Variants in CCDC171 observed in about 807,000 individuals in gnomAD.
The protein encoded by CCDC171 is coiled-coil domain containing 171, also known as coiled-coil domain-containing protein 171.
Under a neutral mutation model 168.2 loss-of-function variants are expected in CCDC171, and 177 were observed. The observed-to-expected ratio is 1.05, with a 90% CI of 0.93 to 1.19. The LOEUF is 1.19. Among genes scored for constraint, CCDC171 ranks in the 50% most tolerant of loss-of-function variants. CCDC171 has a pLI of 0.00. For missense variants in CCDC171, 1,991 were observed against 1,539.0 expected (o/e 1.29, Z -4.91); for synonymous variants, 687 against 540.8 (o/e 1.27, Z -3.75).
chr9:16,105,707 C>A, the CCDC171 span, among the ~76,000 whole-genome samples: 1 of 152,166 alleles, frequency 6.6e-6, no homozygotes, highest in East Asian at 1.9e-4. Context: ...GAAAAAAACA[C>A]CACTGTTTGG....
intron 8 of CCDC171, among the ~76,000 whole-genome samples, chr9:15,657,588 G>A (rs952501691): frequency 2.0e-5 from 3 of 152,086 alleles, no homozygotes; most frequent in Admixed American, 1.3e-4. Context: ...TTTTGAGAAC[G>A]TTGAAAAAAT....
chr9:15,691,546 T>TTATATATA (rs55892512), intron 10 of CCDC171, among the ~76,000 whole-genome samples: 41 of 106,400 alleles, frequency 3.9e-4, no homozygotes, highest in Admixed American at 5.7e-4. Context: ...TATATGTTTT[T>TTATATATA]TATATATATA....
chr9:15,677,230 C>T (rs1430687020), intron 9 of CCDC171, among the ~76,000 whole-genome samples: 1 of 152,072 alleles, frequency 6.6e-6, no homozygotes, highest in African/African-American at 2.4e-5. Flanking sequence ...TACTTAGACT[C>T]ATTTTTATAG....
chr9:15,994,286 G>C (rs989246628), intron 3 of CCDC171, among the ~76,000 whole-genome samples: 6 of 152,086 alleles, frequency 3.9e-5, no homozygotes, highest in African/African-American at 1.4e-4. Context: ...GTCCTTTGTA[G>C]GGACATGGAT....
chr9:15,816,745 C>T (rs2059574874), intron 21 of CCDC171, among the ~76,000 whole-genome samples: 1 of 115,726 alleles, frequency 8.6e-6, no homozygotes, highest in Admixed American at 8.0e-5. Context: ...AATCCTGAGC[C>T]ACTGGGTGAA....
chr9:15,839,804 C>T (rs905332142), intron 21 of CCDC171, among the ~76,000 whole-genome samples: 3 of 152,094 alleles, frequency 2.0e-5, no homozygotes, highest in Non-Finnish European at 4.4e-5. Context: ...AGAATTTTTT[C>T]CCCCATGGAC....
intron 5 of CCDC171, among the ~76,000 whole-genome samples, 156 bp from the exon 6 acceptor site, chr9:15,593,884 AT>A (rs1247416994): frequency 6.6e-6 from 1 of 152,080 alleles, no homozygotes; most frequent in Non-Finnish European, 1.5e-5. Context: ...TCTACATTCT[AT>A]TGATCAAATT....
At chr9:15,808,022 A>C (rs1392352361) in intron 21 of CCDC171, among the ~76,000 whole-genome samples, 1 of 151,900 alleles carries the variant, frequency 6.6e-6, no homozygotes, top group Non-Finnish European at 1.5e-5. Context: ...ATCATTGTTT[A>C]AGGTGGAAGG....
intron 11 of CCDC171, among the ~76,000 whole-genome samples, chr9:15,697,067 C>A (rs2051273562): frequency 6.6e-6 from 1 of 152,194 alleles, no homozygotes; most frequent in Non-Finnish European, 1.5e-5. Flanking sequence ...TTCTGTGGAT[C>A]TGGGCTCCTT....
downstream of CCDC171, among the ~76,000 whole-genome samples, chr9:16,066,473 T>C (rs1356660387): frequency 1.3e-5 from 2 of 149,822 alleles, no homozygotes; most frequent in African/African-American, 4.9e-5. Context: ...TTTTTTTTTT[T>C]ATTATACTTT....
the CCDC171 span, among the ~76,000 whole-genome samples, chr9:16,070,096 G>A: frequency 0.16 from 24,560 of 152,084 alleles, 2,123 homozygotes; most frequent in Admixed American, 0.22. Flanking sequence ...GAGCTGCTGC[G>A]AGCCGTGTAG....
intron 21 of CCDC171, among the ~76,000 whole-genome samples, chr9:15,809,728 G>A (rs2059248406): frequency 6.6e-6 from 1 of 152,198 alleles, no homozygotes; most frequent in South Asian, 2.1e-4. Context: ...CATAAAGGCA[G>A]TGCGGACCCA....
intron 6 of CCDC171, among the ~76,000 whole-genome samples, chr9:15,594,948 G>T (rs759732115): frequency 1.4e-4 from 22 of 152,030 alleles, no homozygotes; most frequent in Non-Finnish European, 3.1e-4. Flanking sequence ...TAGTTATTTT[G>T]TGATAACACA....
chr9:15,630,607 G>A (rs2045595653), intron 7 of CCDC171, among the ~76,000 whole-genome samples: 1 of 152,148 alleles, frequency 6.6e-6, no homozygotes, highest in African/African-American at 2.4e-5. Context: ...GTCAACATTA[G>A]ACAGATCAAC....
intron 18 of CCDC171, among the ~76,000 whole-genome samples, chr9:15,746,399 G>A (rs1184072415): frequency 6.6e-6 from 1 of 152,164 alleles, no homozygotes; most frequent in Non-Finnish European, 1.5e-5. Flanking sequence ...GACTTTTGTA[G>A]TAGGAAACTT....
At chr9:15,991,092 G>A (rs1832180424) in intron 3 of CCDC171, among the ~76,000 whole-genome samples, 1 of 152,112 alleles carries the variant, frequency 6.6e-6, no homozygotes, top group East Asian at 1.9e-4. Context: ...GATATCTACA[G>A]AACTCTCCAC....
At chr9:15,799,956 A>G (rs1336844811) in intron 21 of CCDC171, among the ~76,000 whole-genome samples, 2 of 152,110 alleles carry the variant, frequency 1.3e-5, no homozygotes, top group East Asian at 1.9e-4. Flanking sequence ...ACAAGATCTC[A>G]TTCTCTCTTA....
intron 24 of CCDC171, among the ~76,000 whole-genome samples, chr9:15,889,309 A>C (rs541181080): frequency 6.6e-6 from 1 of 152,250 alleles, no homozygotes; most frequent in African/African-American, 2.4e-5. Context: ...AGATAAAGGA[A>C]TGTGAGAATT....
chr9:15,567,436 C>T (rs898936612), intron 2 of CCDC171, among the ~76,000 whole-genome samples: 1 of 152,050 alleles, frequency 6.6e-6, no homozygotes, highest in African/African-American at 2.4e-5. Flanking sequence ...TTTGTCTTTC[C>T]ATATGAATTT....
Sources: allele counts gnomAD v4.1 joint callset (sites outside exome capture counted in the v4.1 genomes callset), GRCh38; gene constraint gnomAD v4.1.1; transcripts MANE v1.5; gene names NCBI Gene and HGNC (gene_info 2026-07-23, HGNC 2026-07-21).